Variants in AMBRA1 observed in about 807,000 individuals in gnomAD.
The protein encoded by AMBRA1 is autophagy and beclin 1 regulator 1, also known as activating molecule in BECN1-regulated autophagy protein 1.
Under a neutral mutation model 125.4 loss-of-function variants are expected in AMBRA1, and 47 were observed. That is an observed-to-expected ratio of 0.37 (90% confidence interval 0.30 to 0.48). The LOEUF (loss-of-function observed/expected upper bound fraction) is 0.48, where lower values mean the gene tolerates loss of function less well. Ranked by LOEUF, AMBRA1 falls within the 20% of genes least tolerant of loss-of-function variation. The probability of loss-of-function intolerance (pLI) is 0.99; values close to 1 mark genes in which losing one functional copy is unlikely to be tolerated. For synonymous variants in AMBRA1, 626 were observed against 655.5 expected, an observed-to-expected ratio of 0.95 and a Z score of 0.69; for missense variants, 1,331 against 1,693.4, an observed-to-expected ratio of 0.79 and a Z score of 3.76.
At chr11:46,523,218 A>C (rs749640125) in intron 7 of AMBRA1, among the ~76,000 whole-genome samples, 24 of 152,174 alleles carry the variant, frequency 1.6e-4, no homozygotes, top group Non-Finnish European at 3.2e-4. Flanking sequence ...TGCTTCTCTT[A>C]GTGACATTTG....
At chr11:46,589,874 C>T (rs1051752862) in intron 1 of AMBRA1, among the ~76,000 whole-genome samples, 6 of 151,350 alleles carry the variant, frequency 4.0e-5, no homozygotes, top group African/African-American at 1.2e-4. Context: ...CACCCACCTT[C>T]GCCTCCCAAA....
intron 11 of AMBRA1, among the ~76,000 whole-genome samples, chr11:46,488,119 A>G (rs1950325297): frequency 6.6e-6 from 1 of 152,246 alleles, no homozygotes; most frequent in Non-Finnish European, 1.5e-5. Flanking sequence ...TCGTAGACAT[A>G]TGTGCACCTA....
chr11:46,478,321 C>T (rs1354935278), intron 11 of AMBRA1, among the ~76,000 whole-genome samples: 1 of 152,166 alleles, frequency 6.6e-6, no homozygotes, highest in Non-Finnish European at 1.5e-5. Context: ...ATAAATGATG[C>T]CACGGGTACA....
chr11:46,401,125 CA>C (rs1945734699), intron 17 of AMBRA1, among the ~76,000 whole-genome samples: 1 of 152,210 alleles, frequency 6.6e-6, no homozygotes, highest in African/African-American at 2.4e-5. Context: ...ACTGTAGCCC[CA>C]ATGCTTTCTC....
chr11:46,585,830 A>G, intron 1 of AMBRA1, among the ~76,000 whole-genome samples: 1 of 145,584 alleles, frequency 6.9e-6, no homozygotes, highest in Non-Finnish European at 1.5e-5. Flanking sequence ...TTTGAGACGG[A>G]GTTTCGCTCT....
intron 14 of AMBRA1, chr11:46,428,592 C>T (rs2864834): frequency 0.96 from 921,590 of 955,686 alleles, 443,883 homozygotes; most frequent in East Asian, 0.99. Flanking sequence ...TCTTCTTCTT[C>T]TTTTTTTTTT....
intron 17 of AMBRA1, among the ~76,000 whole-genome samples, chr11:46,403,810 C>T (rs1945874660): frequency 6.6e-6 from 1 of 152,054 alleles, no homozygotes; most frequent in Admixed American, 6.6e-5. Flanking sequence ...GCCTAGGAGC[C>T]CTTTGGTGCT....
intron 14 of AMBRA1, among the ~76,000 whole-genome samples, chr11:46,432,663 C>T (rs528957601): frequency 2.4e-3 from 366 of 152,286 alleles, no homozygotes; most frequent in Middle Eastern, 0.01. Flanking sequence ...TAAACACATA[C>T]GCTACACAGC....
intron 11 of AMBRA1, among the ~76,000 whole-genome samples, chr11:46,455,902 C>T (rs1260971729): frequency 1.3e-5 from 2 of 152,114 alleles, no homozygotes; most frequent in Non-Finnish European, 2.9e-5. Flanking sequence ...TCCTGGATCC[C>T]TGAAGTCAAG....
At chr11:46,410,944 TACAAAA>T (rs1371702943) in intron 15 of AMBRA1, among the ~76,000 whole-genome samples, 1 of 151,572 alleles carries the variant, frequency 6.6e-6, no homozygotes, top group African/African-American at 2.4e-5. Context: ...CTACTAAAAA[TACAAAA>T]ATTAGCTGGC....
At chr11:46,559,508 T>C (rs2043262491) in intron 1 of AMBRA1, among the ~76,000 whole-genome samples, 1 of 152,114 alleles carries the variant, frequency 6.6e-6, no homozygotes, top group African/African-American at 2.4e-5. Context: ...ATTTTTTTAA[T>C]CCTCCTATTT....
intron 11 of AMBRA1, among the ~76,000 whole-genome samples, chr11:46,459,733 T>TAC (rs1371062674): frequency 2.3e-3 from 261 of 115,512 alleles, no homozygotes; most frequent in African/African-American, 3.7e-3. Flanking sequence ...AAAAAAAAAA[T>TAC]ACACATACAC....
At chr11:46,532,625 TG>T (rs1454239508) in intron 7 of AMBRA1, among the ~76,000 whole-genome samples, 3 of 152,220 alleles carry the variant, frequency 2.0e-5, no homozygotes, top group Non-Finnish European at 4.4e-5. Context: ...TTAGCAGAGA[TG>T]GGGTTTCACC....
At chr11:46,500,153 T>C (rs1247972965) in intron 9 of AMBRA1, among the ~76,000 whole-genome samples, 1 of 152,184 alleles carries the variant, frequency 6.6e-6, no homozygotes, top group Non-Finnish European at 1.5e-5. Flanking sequence ...ACAATAGCTG[T>C]CAGGCTGTGG....
chr11:46,572,208 G>C (rs1245499062), intron 1 of AMBRA1, among the ~76,000 whole-genome samples: 1 of 152,130 alleles, frequency 6.6e-6, no homozygotes, highest in African/African-American at 2.4e-5. Context: ...GGCTAAGGCA[G>C]GAGAATCGCT....
rs188257057 is a variant in AMBRA1, at chr11:46,577,025, C to T, written c.-121+16803G>A. ...CAGCCAACAACTCTGAAATCACATA[C>T]TCTGGAGAAGCTGCAGATGTTGGCT... On this transcript the variant is annotated intron_variant, in intron 1 of 17. Transcript: ENST00000683756. Among the ~76,000 whole-genome samples, 110 of 152,312 alleles carry T rather than the reference C, an allele frequency of 7.2e-4. 2 individuals are homozygous for T. The highest frequency in any genetic ancestry group is 6.7e-3 in the Admixed American group (102 of 15,290).
At chr11:46,467,506 T>A (rs1235015596) in intron 11 of AMBRA1, among the ~76,000 whole-genome samples, 2 of 152,058 alleles carry the variant, frequency 1.3e-5, no homozygotes, top group Non-Finnish European at 2.9e-5. Context: ...TTACAATGAA[T>A]ATATACTTTT....
At chr11:46,485,969 C>G (rs79014257) in intron 11 of AMBRA1, among the ~76,000 whole-genome samples, 6 of 152,050 alleles carry the variant, frequency 3.9e-5, no homozygotes, top group Admixed American at 1.3e-4. Context: ...TAAAAGGCCC[C>G]GGGTGCTATA....
Position 46,542,673 on chromosome 11 carries a change from C to T in AMBRA1, c.1344G>A (p.Leu448=). The change falls in exon 7 of 18, where the codon CTG becomes CTA. Residue 448 remains leucine, a synonymous_variant. Coordinates refer to ENST00000683756, the MANE Select transcript of AMBRA1 (RefSeq NM_001387011.1). The surrounding 1 kb of genome is among the most constrained non-coding windows in gnomAD (Gnocchi z 5.9). ...PRTSASSVSL[L]SVLRQQEGGS... is the part of the protein sequence containing the mutation. The stretch of plus-strand genomic sequence containing the variant: ...CACCTTCCTGCTGTCTCAGCACAGA[C>T]AGCAAACTCACCGAAGAGGCACTGG... 3 of 1,614,198 alleles carry T rather than the reference C, an allele frequency of 1.9e-6. No homozygotes were observed. Among genetic ancestry groups the T allele is most frequent in the Non-Finnish European group, 2.5e-6 (3 of 1,180,032 alleles).
Sources: allele counts gnomAD v4.1 joint callset (sites outside exome capture counted in the v4.1 genomes callset), GRCh38; gene constraint gnomAD v4.1.1; non-coding constraint Gnocchi (gnomAD v3.1); transcripts MANE v1.5; gene names NCBI Gene and HGNC (gene_info 2026-07-23, HGNC 2026-07-21).